Variants in DPP6 observed in about 807,000 individuals in gnomAD.
DPP6 encodes the protein A-type potassium channel modulatory protein DPP6.
In DPP6, 69 loss-of-function variants were observed where a neutral mutation model predicts 122.6. The ratio of observed to expected loss-of-function variants is 0.56; its 90% CI spans 0.46 to 0.69. The LOEUF (loss-of-function observed/expected upper bound fraction) is 0.69. Ranked by LOEUF, DPP6 falls within the 30% of genes least tolerant of loss-of-function variation. The probability of loss-of-function intolerance (pLI) is 0.00; values close to 1 mark genes in which losing one functional copy is unlikely to be tolerated. For synonymous variants in DPP6, 418 were observed against 433.1 expected (o/e 0.97, Z 0.43); for missense variants, 928 against 1,116.9 (o/e 0.83, Z 2.41).
intron 8 of DPP6, among the ~76,000 whole-genome samples, chr7:154,764,908 C>T (rs7783056): frequency 0.029 from 4,482 of 152,220 alleles, 203 homozygotes; most frequent in African/African-American, 0.1. Context: ...AGGTGCATCA[C>T]ATTCTCTCCA....
intron 5 of DPP6, among the ~76,000 whole-genome samples, chr7:154,575,217 G>A (rs1194507010): frequency 1.6e-5 from 2 of 123,702 alleles, no homozygotes; most frequent in Non-Finnish European, 3.4e-5. Flanking sequence ...TGGTGTGTGT[G>A]TGGTGTGGTG....
At chr7:154,887,351 T>C (rs1211035729) in intron 22 of DPP6, among the ~76,000 whole-genome samples, 3 of 152,172 alleles carry the variant, frequency 2.0e-5, no homozygotes, top group Non-Finnish European at 4.4e-5. Flanking sequence ...CCTTCCTAAG[T>C]GTTGAAGGAG....
intron 1 of DPP6, among the ~76,000 whole-genome samples, chr7:154,103,280 C>A (rs186939787): frequency 6.6e-5 from 10 of 152,312 alleles, no homozygotes; most frequent in Admixed American, 5.9e-4. Flanking sequence ...GACTCCATTC[C>A]GTCAGCCATA....
intron 1 of DPP6, among the ~76,000 whole-genome samples, chr7:154,102,837 C>T (rs552018469): frequency 6.6e-6 from 1 of 152,214 alleles, no homozygotes; most frequent in African/African-American, 2.4e-5. Flanking sequence ...ATCATGCACA[C>T]TATAGTTCTC....
At chr7:154,073,986 C>T (rs1277953407) in intron 1 of DPP6, among the ~76,000 whole-genome samples, 1 of 151,884 alleles carries the variant, frequency 6.6e-6, no homozygotes, top group Non-Finnish European at 1.5e-5. Context: ...AACTCTGTCT[C>T]TAAAATATAT....
At chr7:154,351,708 G>A (rs1810872589) in intron 1 of DPP6, among the ~76,000 whole-genome samples, 1 of 152,180 alleles carries the variant, frequency 6.6e-6, no homozygotes, top group Non-Finnish European at 1.5e-5. Context: ...GGAAAGTTAA[G>A]TAAGGAAGAG....
chr7:153,919,986 A>G (rs1165239478), intron 1 of DPP6, among the ~76,000 whole-genome samples: 1 of 152,230 alleles, frequency 6.6e-6, no homozygotes, highest in African/African-American at 2.4e-5. Flanking sequence ...TAGTACCTGG[A>G]GGTAGCATGA....
chr7:154,759,833 C>T (rs974557430), intron 8 of DPP6, among the ~76,000 whole-genome samples: 11 of 152,172 alleles, frequency 7.2e-5, no homozygotes, highest in Non-Finnish European at 1.5e-4. Context: ...AAAAGAAAAG[C>T]TTTATATTAA....
chr7:154,846,328 C>G (rs1419005760), intron 16 of DPP6, among the ~76,000 whole-genome samples: 1 of 152,004 alleles, frequency 6.6e-6, no homozygotes, highest in Non-Finnish European at 1.5e-5. Flanking sequence ...CTGCAAGCCC[C>G]CCTTGCTCAT....
rs201195211 is a variant in DPP6, at chr7:154,288,778, G to T, written c.244-157436G>T. On this transcript the variant is annotated intron_variant, in intron 1 of 25. Coordinates refer to ENST00000377770, the MANE Select transcript of DPP6 (RefSeq NM_130797.4). ...TGTTTTAAGCACTTCTGATATGCTG[G>T]TAAAAAAAAACAGATGCAAATACCT... Among the ~76,000 whole-genome samples, 12 of 152,124 alleles carry T rather than the reference G, an allele frequency of 7.9e-5. No homozygotes were observed. In the East Asian group the frequency reaches 2.3e-3, roughly 29 times the overall value.
At chr7:154,306,242 A>G (rs190727427) in intron 1 of DPP6, among the ~76,000 whole-genome samples, 1 of 152,302 alleles carries the variant, frequency 6.6e-6, no homozygotes, top group African/African-American at 2.4e-5. Flanking sequence ...TTGTCCTGAG[A>G]AGACCACGGT....
intron 1 of DPP6, among the ~76,000 whole-genome samples, chr7:153,903,004 A>G (rs1423283687): frequency 1.3e-5 from 2 of 152,210 alleles, no homozygotes; most frequent in Non-Finnish European, 2.9e-5. Context: ...TACAATAGCC[A>G]GCAAAGCTAC....
chr7:154,804,827 G>C (rs1798591986), intron 14 of DPP6, 90 bp from the exon 15 acceptor site: 2 of 1,535,046 alleles, frequency 1.3e-6, no homozygotes, highest in Non-Finnish European at 1.8e-6. Context: ...GGCAGTCCCT[G>C]AGGAGTGTCC....
At chr7:154,672,482 T>C (rs1376891532) in intron 7 of DPP6, among the ~76,000 whole-genome samples, 1 of 152,214 alleles carries the variant, frequency 6.6e-6, no homozygotes, top group Non-Finnish European at 1.5e-5. Context: ...TTTTGTGGTT[T>C]CAAACCACTT....
intron 1 of DPP6, among the ~76,000 whole-genome samples, chr7:153,935,127 A>G (rs369083852): frequency 9.9e-5 from 15 of 151,942 alleles, no homozygotes; most frequent in African/African-American, 3.4e-4. Flanking sequence ...GGCAGTGCTG[A>G]CTCTGGGCAC....
chr7:154,421,877 C>T (rs191078690), intron 1 of DPP6, among the ~76,000 whole-genome samples: 1 of 152,322 alleles, frequency 6.6e-6, no homozygotes, highest in East Asian at 1.9e-4. Flanking sequence ...ATGTTGTAGG[C>T]ACTCAGGAGA....
chr7:154,065,837 C>A (rs1249419974), intron 1 of DPP6, among the ~76,000 whole-genome samples: 1 of 151,066 alleles, frequency 6.6e-6, no homozygotes, highest in Non-Finnish European at 1.5e-5. Flanking sequence ...TTCCTGGGGG[C>A]CAAGGATGTC....
At chr7:154,474,568 A>G (rs1822558236) in intron 2 of DPP6, among the ~76,000 whole-genome samples, 1 of 152,172 alleles carries the variant, frequency 6.6e-6, no homozygotes, top group Non-Finnish European at 1.5e-5. Context: ...TTCATGATTG[A>G]CCAATTACAT....
At chr7:154,684,229 T>C (rs1408304047) in intron 7 of DPP6, among the ~76,000 whole-genome samples, 1 of 152,084 alleles carries the variant, frequency 6.6e-6, no homozygotes, top group Non-Finnish European at 1.5e-5. Flanking sequence ...AGATTGGGCT[T>C]GAGACCCCTC....
Sources: gnomAD v4.1 joint callset for allele counts (sites outside exome capture counted in the v4.1 genomes callset) on GRCh38, gnomAD v4.1.1 for gene constraint, MANE v1.5 for transcripts, NCBI Gene and HGNC (gene_info 2026-07-23, HGNC 2026-07-21) for gene names.